Variants in BAIAP2 observed in about 807,000 individuals in gnomAD.
BAIAP2 encodes BAR/IMD domain-containing adapter protein 2.
Under a neutral mutation model 63.0 loss-of-function variants are expected in BAIAP2, and 18 were observed. The ratio of observed to expected loss-of-function variants is 0.29; its 90% CI spans 0.20 to 0.42. The LOEUF (loss-of-function observed/expected upper bound fraction) is 0.42, where lower values mean the gene tolerates loss of function less well. BAIAP2 is among the 10% of genes least tolerant of loss of function. The pLI is 1.00. For synonymous variants in BAIAP2, 386 were observed against 307.6 expected (o/e 1.25, Z -2.67); for missense variants, 610 against 734.3 (o/e 0.83, Z 1.96).
chr17:81,070,458 G>A (rs764893678), intron 3 of BAIAP2, among the ~76,000 whole-genome samples: 18 of 152,202 alleles, frequency 1.2e-4, no homozygotes, highest in Admixed American at 7.2e-4. Flanking sequence ...CCTCTGCCCC[G>A]TCAGACCTTA....
intron 3 of BAIAP2, among the ~76,000 whole-genome samples, chr17:81,073,770 T>C (rs1301072664): frequency 6.6e-6 from 1 of 152,146 alleles, no homozygotes; most frequent in African/African-American, 2.4e-5. Context: ...GCACAAATCT[T>C]TAAAATGTCA....
At chr17:81,094,582 G>A (rs1388320636) in intron 6 of BAIAP2, among the ~76,000 whole-genome samples, 1 of 152,168 alleles carries the variant, frequency 6.6e-6, no homozygotes. Flanking sequence ...CCCAGCCCGG[G>A]TCTTGCTCAG....
intron 3 of BAIAP2, among the ~76,000 whole-genome samples, chr17:81,065,357 G>A (rs2051281572): frequency 6.6e-6 from 1 of 152,210 alleles, no homozygotes; most frequent in South Asian, 2.1e-4. Context: ...AGGAATCTGG[G>A]GAATTTGCTA....
intron 13 of BAIAP2, among the ~76,000 whole-genome samples, chr17:81,112,861 G>A (rs2060077303): frequency 6.6e-6 from 1 of 152,080 alleles, no homozygotes; most frequent in Non-Finnish European, 1.5e-5. Flanking sequence ...GATCAGCCTG[G>A]GCAACCTAGG....
chr17:81,101,421 C>T (rs1001934112), intron 7 of BAIAP2, among the ~76,000 whole-genome samples: 1 of 152,162 alleles, frequency 6.6e-6, no homozygotes, highest in African/African-American at 2.4e-5. Context: ...CCTGTTCACC[C>T]ATAGTCCATG....
chr17:81,103,705 G>A lies in BAIAP2; in HGVS notation c.846G>A (p.Glu282=), dbSNP rs2058778712. Residue 282 remains glutamate (E), a synonymous_variant, in exon 8 of 14, where the codon GAG becomes GAA. Transcript: ENST00000428708. ...CCAAGCCCCTGCCGGTGCCCCCCGAGCTGGCACCGTTCGTGGGGGTGAGTC... is the reference window on the plus strand; with the variant it reads ...CCAAGCCCCTGCCGGTGCCCCCCGAACTGGCACCGTTCGTGGGGGTGAGTC... ...PGAKPLPVPP[E]LAPFVGRMSA... 6.3e-7 allele frequency: 1 copy of A among 1,594,392 alleles called. No homozygotes were observed. The highest frequency in any genetic ancestry group is 2.2e-5 in the East Asian group (1 of 44,560).
At chr17:81,075,626 T>C (rs1020404711) in intron 3 of BAIAP2, among the ~76,000 whole-genome samples, 1 of 152,120 alleles carries the variant, frequency 6.6e-6, no homozygotes, top group Non-Finnish European at 1.5e-5. Flanking sequence ...TGAGTGACCC[T>C]CTCCAAGGAC....
intron 3 of BAIAP2, among the ~76,000 whole-genome samples, chr17:81,072,604 A>G (rs1284672666): frequency 6.6e-6 from 1 of 152,182 alleles, no homozygotes; most frequent in African/African-American, 2.4e-5. Flanking sequence ...CCCTCCTGGG[A>G]GAGCTCTGGC....
chr17:81,041,872 C>T (rs2047126398), intron 1 of BAIAP2, among the ~76,000 whole-genome samples: 2 of 152,108 alleles, frequency 1.3e-5, no homozygotes, highest in Admixed American at 6.5e-5. Flanking sequence ...GCGCCTGGCC[C>T]TGTTTGGGTA....
At chr17:81,071,988 C>T (rs1489855041) in intron 3 of BAIAP2, among the ~76,000 whole-genome samples, 1 of 152,252 alleles carries the variant, frequency 6.6e-6, no homozygotes, top group Non-Finnish European at 1.5e-5. Context: ...CCCCCCCTCC[C>T]CCTCTGCTTC....
At chr17:81,115,291 C>T (rs2060402630) in intron 13 of BAIAP2, among the ~76,000 whole-genome samples, 1 of 152,248 alleles carries the variant, frequency 6.6e-6, no homozygotes, top group South Asian at 2.1e-4. Context: ...GCCTAACCTG[C>T]CTTCTCTGGA....
intron 2 of BAIAP2, among the ~76,000 whole-genome samples, chr17:81,055,574 G>GTTTTTTTTTTTTTTTTTTTTTTTTTTT (rs1555657874): frequency 8.1e-6 from 1 of 123,412 alleles, no homozygotes; most frequent in Non-Finnish European, 1.7e-5. Flanking sequence ...AGGGTGTTTT[G>GTTTTTTTTTTTTTTTTTTTTTTTTTTT]TTTTTTTTTG....
chr17:81,085,515 T>G (rs1273613507), intron 4 of BAIAP2, 139 bp from the exon 5 acceptor site: 4 of 728,216 alleles, frequency 5.5e-6, no homozygotes, highest in Non-Finnish European at 9.9e-6. Context: ...CCACAGCTCA[T>G]CAGTCAGGGG....
rs747445370 is a variant in BAIAP2 at position 81,108,508 on chromosome 17, A to G, written c.1534A>G (p.Arg512Gly). The G allele has an allele frequency of 1.9e-6, 3 of 1,613,810 alleles. No individual in the cohort carries two copies. Among genetic ancestry groups the G allele is most frequent in the East Asian group, 2.2e-5 (1 of 44,848 alleles). Residue 512 changes from arginine (R) to glycine (G), a missense_variant and splice_region_variant, in exon 13 of 14, where the codon AGG becomes GGG. Transcript: ENST00000428708. ...TGACTATGGAGCGCGGTCCATGAGCAGGTAAGGGGACTTTCAGACCTGTCT... is the reference window on the plus strand; with the variant it reads ...TGACTATGGAGCGCGGTCCATGAGCGGGTAAGGGGACTTTCAGACCTGTCT... ...LDDYGARSMS[R>G]NPFAHVQLKP...
intron 2 of BAIAP2, among the ~76,000 whole-genome samples, chr17:81,055,442 G>T (rs2049318029): frequency 6.6e-6 from 1 of 152,176 alleles, no homozygotes; most frequent in African/African-American, 2.4e-5. Flanking sequence ...GGCTGCCCCA[G>T]CAGCAGCCTT....
intron 13 of BAIAP2, chr17:81,109,926 C>T (rs2059698943): frequency 2.0e-6 from 2 of 985,334 alleles, no homozygotes; most frequent in African/African-American, 3.5e-5. Context: ...CAGCTCTGGG[C>T]ACGCCGCACC....
rs1033710203 is a variant in BAIAP2 at position 81,098,073 on chromosome 17, C to T, written c.490-1855C>T. ...CCCCAGACCTCAGGCACATGATCCC[C>T]AGGCCAGCTGGGGTCATGGAGGGGC... On this transcript the variant is annotated intron_variant, in intron 6 of 13. Coordinates refer to ENST00000428708, the MANE Select transcript of BAIAP2 (RefSeq NM_001144888.2). 26 of 1,297,458 alleles carry T rather than the reference C, an allele frequency of 2.0e-5. No individual in the cohort carries two copies. In the African/African-American group the frequency reaches 2.9e-4, roughly 14 times the overall value. 80.4% of individuals were successfully genotyped at this position (1,297,458 alleles called of 1,614,324 possible).
chr17:81,110,385 A>T, intron 13 of BAIAP2: 1 of 987,544 alleles, frequency 1.0e-6, no homozygotes, highest in South Asian at 4.7e-5. Flanking sequence ...GACACAAAAC[A>T]GCAACACTTG....
At chr17:81,075,546 G>A (rs574009216) in intron 3 of BAIAP2, among the ~76,000 whole-genome samples, 12 of 152,352 alleles carry the variant, frequency 7.9e-5, no homozygotes, top group Admixed American at 4.6e-4. Context: ...CTCACTAGAC[G>A]CGGCTGTGTC....
Sources: gnomAD v4.1 joint callset for allele counts (sites outside exome capture counted in the v4.1 genomes callset) on GRCh38, gnomAD v4.1.1 for gene constraint, MANE v1.5 for transcripts, NCBI Gene and HGNC (gene_info 2026-07-23, HGNC 2026-07-21) for gene names.